DRC11: variants seen among roughly 807,000 people sequenced by gnomAD.
The protein encoded by DRC11 is dynein regulatory complex subunit 11.
the DRC11 span, among the ~76,000 whole-genome samples, chr2:236,422,184 A>C: frequency 6.6e-6 from 1 of 152,222 alleles, no homozygotes; most frequent in Admixed American, 6.5e-5. Flanking sequence ...CATATTCAAC[A>C]TAGTATTGGA....
At chr2:236,396,583 G>C in the DRC11 span, among the ~76,000 whole-genome samples, 1 of 152,110 alleles carries the variant, frequency 6.6e-6, no homozygotes, top group Non-Finnish European at 1.5e-5. Flanking sequence ...TCAGCAGGTT[G>C]CAAGAGTTGG....
At chr2:236,448,790 G>C in the DRC11 span, among the ~76,000 whole-genome samples, 2 of 148,500 alleles carry the variant, frequency 1.3e-5, no homozygotes, top group South Asian at 2.1e-4. This position sits in a 1 kb window ranked among gnomAD's most constrained non-coding sequence, Gnocchi z 5.3. Context: ...TGTTGTAAGT[G>C]GGGGAGCCAT....
chr2:236,422,378 T>G, the DRC11 span, among the ~76,000 whole-genome samples: 1 of 152,214 alleles, frequency 6.6e-6, no homozygotes, highest in South Asian at 2.1e-4. Flanking sequence ...AAAATCAATG[T>G]GCAAAAATCA....
At chr2:236,445,965 C>G in the DRC11 span, among the ~76,000 whole-genome samples, 1 of 152,162 alleles carries the variant, frequency 6.6e-6, no homozygotes, top group Non-Finnish European at 1.5e-5. The surrounding 1 kb of genome is among the most constrained non-coding windows in gnomAD (Gnocchi z 4.8). Context: ...CTGTGCGATA[C>G]TCCCAGGGTC....
chr2:236,307,181 C>T, the DRC11 span, among the ~76,000 whole-genome samples: 18,488 of 152,150 alleles, frequency 0.12, 2,822 homozygotes, highest in African/African-American at 0.35. The surrounding 1 kb of genome is among the most constrained non-coding windows in gnomAD (Gnocchi z 7.0). Context: ...TCAGGGAGGA[C>T]ATTTTCAGGT....
chr2:236,402,034 G>T, the DRC11 span, among the ~76,000 whole-genome samples: 2 of 152,212 alleles, frequency 1.3e-5, no homozygotes, highest in African/African-American at 4.8e-5. The surrounding 1 kb of genome is among the most constrained non-coding windows in gnomAD (Gnocchi z 6.0). Flanking sequence ...AATAAAAGAG[G>T]CTGGGTGTGG....
At chr2:236,319,798 TTCA>T in the DRC11 span, among the ~76,000 whole-genome samples, 1 of 152,184 alleles carries the variant, frequency 6.6e-6, no homozygotes, top group Non-Finnish European at 1.5e-5. The surrounding 1 kb of genome is among the most constrained non-coding windows in gnomAD (Gnocchi z 6.7). Flanking sequence ...GACCTGCCAC[TTCA>T]TCACGAACTC....
At chr2:236,462,120 C>T in the DRC11 span, among the ~76,000 whole-genome samples, 1 of 152,098 alleles carries the variant, frequency 6.6e-6, no homozygotes, top group Non-Finnish European at 1.5e-5. This position sits in a 1 kb window ranked among gnomAD's most constrained non-coding sequence, Gnocchi z 6.4. Context: ...TGCTCATCTT[C>T]CCACCTGGGC....
At chr2:236,344,635 T>A in the DRC11 span, 436 of 1,613,336 alleles carry the variant, frequency 2.7e-4, 2 homozygotes, top group South Asian at 3.5e-3. Flanking sequence ...GCTGGAGCTG[T>A]CGAGCCACCT....
the DRC11 span, among the ~76,000 whole-genome samples, chr2:236,434,185 C>T: frequency 6.6e-6 from 1 of 152,190 alleles, no homozygotes; most frequent in African/African-American, 2.4e-5. This position sits in a 1 kb window ranked among gnomAD's most constrained non-coding sequence, Gnocchi z 5.5. Context: ...TGTGTTAATA[C>T]TCATAAGGGA....
At chr2:236,332,000 CTTTT>C in the DRC11 span, 2 of 164,034 alleles carry the variant, frequency 1.2e-5, no homozygotes, top group African/African-American at 4.8e-5. This position sits in a 1 kb window ranked among gnomAD's most constrained non-coding sequence, Gnocchi z 4.8. Flanking sequence ...AGTAGTTTAA[CTTTT>C]TTTTTAGATA....
the DRC11 span, among the ~76,000 whole-genome samples, chr2:236,464,446 A>G: frequency 1.3e-5 from 2 of 152,180 alleles, no homozygotes; most frequent in Non-Finnish European, 2.9e-5. Flanking sequence ...CTTGAAATAA[A>G]ATTGATTTAA....
chr2:236,322,900 ACTC>A, the DRC11 span, among the ~76,000 whole-genome samples: 2 of 152,204 alleles, frequency 1.3e-5, no homozygotes, highest in Admixed American at 6.5e-5. Flanking sequence ...ACTATGGACT[ACTC>A]CTACTGGCAG....
chr2:236,416,721 TTATATATATATATATA>T, the DRC11 span, among the ~76,000 whole-genome samples: 181 of 64,234 alleles, frequency 2.8e-3, no homozygotes, highest in East Asian at 0.052. Flanking sequence ...ATATATATAT[TTATATATATATATATA>T]TATATATATA....
At chr2:236,404,380 C>A in the DRC11 span, among the ~76,000 whole-genome samples, 3 of 152,076 alleles carry the variant, frequency 2.0e-5, no homozygotes, top group Non-Finnish European at 2.9e-5. Context: ...TCAGCTGAGG[C>A]CCAGTTCCTG....
chr2:236,314,918 GT>G, the DRC11 span, among the ~76,000 whole-genome samples: 3 of 152,138 alleles, frequency 2.0e-5, no homozygotes, highest in African/African-American at 7.2e-5. The surrounding 1 kb of genome is among the most constrained non-coding windows in gnomAD (Gnocchi z 4.5). Flanking sequence ...TAAAATATTA[GT>G]TTTTTGGTGG....
the DRC11 span, among the ~76,000 whole-genome samples, chr2:236,412,115 C>G: frequency 9.9e-5 from 15 of 152,114 alleles, no homozygotes; most frequent in Admixed American, 9.2e-4. Context: ...AGGCTGGTCT[C>G]GAACTTCTGG....
chr2:236,345,480 C>T, the DRC11 span, among the ~76,000 whole-genome samples: 2 of 152,130 alleles, frequency 1.3e-5, no homozygotes, highest in African/African-American at 2.4e-5. Flanking sequence ...TTTTAATTAC[C>T]GCCTCTGGCC....
At chr2:236,324,777 A>T in the DRC11 span, 5 of 1,598,586 alleles carry the variant, frequency 3.1e-6, no homozygotes, top group African/African-American at 6.7e-5. The surrounding 1 kb of genome is among the most constrained non-coding windows in gnomAD (Gnocchi z 5.7). Flanking sequence ...GTTTTGGCAT[A>T]CCAGTTCTGA....
Sources: gnomAD v4.1 joint callset for allele counts (sites outside exome capture counted in the v4.1 genomes callset) on GRCh38, gnomAD v4.1.1 for gene constraint, Gnocchi (gnomAD v3.1) non-coding constraint, MANE v1.5 for transcripts, NCBI Gene and HGNC (gene_info 2026-07-23, HGNC 2026-07-21) for gene names.